DOCK9: variants seen among roughly 807,000 people sequenced by gnomAD.
The protein encoded by DOCK9 is dedicator of cytokinesis 9.
Under a neutral mutation model 263.3 loss-of-function variants are expected in DOCK9, and 89 were observed. The observed-to-expected ratio is 0.34, with a 90% CI of 0.28 to 0.40. DOCK9 has a LOEUF of 0.40. Among genes scored for constraint, DOCK9 ranks in the 10% least tolerant of loss-of-function variants. The probability of loss-of-function intolerance (pLI) is 1.00; values close to 1 mark genes in which losing one functional copy is unlikely to be tolerated. For missense variants in DOCK9, 2,140 were observed against 2,603.4 expected, an observed-to-expected ratio of 0.82 and a Z score of 3.87; for synonymous variants, 976 against 973.1, an observed-to-expected ratio of 1.00 and a Z score of -0.06.
intron 38 of DOCK9, among the ~76,000 whole-genome samples, chr13:98,839,850 T>C (rs191818493): frequency 6.6e-6 from 1 of 152,352 alleles, no homozygotes; most frequent in East Asian, 1.9e-4. Context: ...TACTGGGAAA[T>C]GTTATTACAC....
chr13:98,840,019 A>T (rs1424032740), intron 38 of DOCK9, among the ~76,000 whole-genome samples: 3 of 152,198 alleles, frequency 2.0e-5, no homozygotes, highest in African/African-American at 7.2e-5. Flanking sequence ...CCTGAGCTAG[A>T]GCTATTTTTT....
intron 1 of DOCK9, among the ~76,000 whole-genome samples, chr13:98,962,738 T>C (rs1315208183): frequency 6.6e-6 from 1 of 150,796 alleles, no homozygotes; most frequent in South Asian, 2.1e-4. Flanking sequence ...AGACAAATAA[T>C]GACCCAATAT....
chr13:99,038,282 G>GCCC (rs768348816), intron 1 of DOCK9, among the ~76,000 whole-genome samples: 1 of 72,190 alleles, frequency 1.4e-5, no homozygotes, highest in Non-Finnish European at 2.8e-5. Context: ...CTGGCTTTAT[G>GCCC]CCCCCCTTTT....
chr13:98,900,292 T>C (rs1188055736), intron 13 of DOCK9, among the ~76,000 whole-genome samples: 4 of 152,188 alleles, frequency 2.6e-5, no homozygotes, highest in African/African-American at 7.2e-5. Flanking sequence ...TTTCAAACCA[T>C]GCATGCGGCA....
intron 1 of DOCK9, among the ~76,000 whole-genome samples, chr13:98,988,903 T>A (rs1389700301): frequency 1.3e-5 from 2 of 152,204 alleles, no homozygotes; most frequent in Non-Finnish European, 2.9e-5. Flanking sequence ...TCTGGAGATC[T>A]CGCTCCCAGG....
intron 27 of DOCK9, among the ~76,000 whole-genome samples, chr13:98,869,509 G>A (rs541851932): frequency 6.6e-6 from 1 of 152,340 alleles, no homozygotes; most frequent in South Asian, 2.1e-4. Context: ...TTTACTGAGA[G>A]CCTGAAGTAG....
At chr13:98,965,832 G>A (rs1436572647) in intron 1 of DOCK9, among the ~76,000 whole-genome samples, 1 of 152,108 alleles carries the variant, frequency 6.6e-6, no homozygotes, top group African/African-American at 2.4e-5. Context: ...GCTCCAGTGT[G>A]GTGTTATCCT....
intron 48 of DOCK9, 112 bp from the exon 49 acceptor site, chr13:98,805,321 T>A: frequency 1.1e-6 from 1 of 945,208 alleles, no homozygotes. Flanking sequence ...GAGAGAAGAG[T>A]ACAACAAACA....
At chr13:98,964,937 G>A (rs2059047023) in intron 1 of DOCK9, among the ~76,000 whole-genome samples, 1 of 152,200 alleles carries the variant, frequency 6.6e-6, no homozygotes, top group African/African-American at 2.4e-5. Context: ...GAGTCAGAGA[G>A]CAACACTCCT....
chr13:98,985,359 C>T (rs1003525194), intron 1 of DOCK9, among the ~76,000 whole-genome samples: 1 of 151,638 alleles, frequency 6.6e-6, no homozygotes, highest in African/African-American at 2.4e-5. Context: ...CACCATCTGG[C>T]ATCCTATTCT....
chr13:99,022,825 G>A (rs942749702), intron 1 of DOCK9, among the ~76,000 whole-genome samples: 1 of 152,132 alleles, frequency 6.6e-6, no homozygotes, highest in South Asian at 2.1e-4. Flanking sequence ...TCACAAGCCT[G>A]TAGGCCTGGC....
At chr13:98,947,943 G>T (rs2056938662) in intron 2 of DOCK9, among the ~76,000 whole-genome samples, 1 of 152,188 alleles carries the variant, frequency 6.6e-6, no homozygotes. Context: ...AGGAATTTAT[G>T]AAAAGAACAC....
intron 1 of DOCK9, among the ~76,000 whole-genome samples, chr13:99,051,855 CAAAAAA>C (rs11392986): frequency 0.046 from 4,924 of 106,088 alleles, 279 homozygotes; most frequent in East Asian, 0.19. Flanking sequence ...CCACTAGTGG[CAAAAAA>C]AAAAAAAAAA....
intron 1 of DOCK9, among the ~76,000 whole-genome samples, chr13:99,026,622 C>G (rs1886759567): frequency 6.6e-6 from 1 of 152,124 alleles, no homozygotes; most frequent in Non-Finnish European, 1.5e-5. Context: ...GCCATCTATC[C>G]CAATTCATTC....
intron 1 of DOCK9, among the ~76,000 whole-genome samples, chr13:98,983,540 C>T (rs778446409): frequency 2.0e-5 from 3 of 152,034 alleles, no homozygotes; most frequent in African/African-American, 4.8e-5. Flanking sequence ...GACCACAACC[C>T]TTAGGGCCTC....
upstream of DOCK9, chr13:99,086,731 G>T (rs1302657633): frequency 6.8e-6 from 1 of 146,802 alleles, no homozygotes; most frequent in Non-Finnish European, 1.5e-5. Flanking sequence ...GCGCCCGGAC[G>T]GCGGAGGAGG....
intron 1 of DOCK9, among the ~76,000 whole-genome samples, chr13:99,010,214 T>G (rs772784241): frequency 6.6e-6 from 1 of 152,218 alleles, no homozygotes; most frequent in Non-Finnish European, 1.5e-5. Context: ...CAGTTATAAT[T>G]GGCAAAAACA....
intron 1 of DOCK9, among the ~76,000 whole-genome samples, chr13:98,970,231 T>G (rs866667944): frequency 3.9e-5 from 6 of 152,174 alleles, no homozygotes; most frequent in Admixed American, 1.3e-4. Flanking sequence ...CTCCTGGCCT[T>G]AAGCAATTCT....
chr13:98,868,061 A>G (rs1326883934), intron 28 of DOCK9, 50 bp from the exon 29 acceptor site: 2 of 1,581,362 alleles, frequency 1.3e-6, no homozygotes, highest in East Asian at 4.5e-5. Context: ...AACATTTCGG[A>G]AATTTGGATT....
Sources: gnomAD v4.1 joint callset for allele counts (sites outside exome capture counted in the v4.1 genomes callset) on GRCh38, gnomAD v4.1.1 for gene constraint, MANE v1.5 for transcripts, NCBI Gene and HGNC (gene_info 2026-07-23, HGNC 2026-07-21) for gene names.